Variants in GMDS observed in about 807,000 individuals in gnomAD.
GMDS encodes the protein GDP-mannose 4,6 dehydratase.
A neutral mutation model predicts 49.9 loss-of-function variants in GMDS; 20 were observed. The observed-to-expected ratio is 0.40, with a 90% CI of 0.28 to 0.58. GMDS has a LOEUF of 0.58. GMDS is among the 20% of genes least tolerant of loss of function. GMDS has a pLI of 0.42. For missense variants in GMDS, 362 were observed against 481.4 expected, an observed-to-expected ratio of 0.75 and a Z score of 2.32; for synonymous variants, 177 against 178.6, an observed-to-expected ratio of 0.99 and a Z score of 0.07.
At chr6:2,027,294 G>A (rs1294499142) in intron 4 of GMDS, among the ~76,000 whole-genome samples, 1 of 152,200 alleles carries the variant, frequency 6.6e-6, no homozygotes, top group Non-Finnish European at 1.5e-5. Flanking sequence ...CAGAACAAGT[G>A]AAGGTAATGG....
intron 4 of GMDS, among the ~76,000 whole-genome samples, chr6:1,985,831 G>A (rs983755574): frequency 4.6e-5 from 7 of 152,300 alleles, no homozygotes; most frequent in Middle Eastern, 3.4e-3. Context: ...TACTAAAACC[G>A]AGATCTTCAA....
chr6:1,771,503 T>C (rs573911107), intron 7 of GMDS, among the ~76,000 whole-genome samples: 2 of 152,204 alleles, frequency 1.3e-5, no homozygotes, highest in African/African-American at 2.4e-5. Flanking sequence ...GCCAAGCAAA[T>C]AGTAGTGAGT....
chr6:2,147,038 T>C (rs533866136), intron 1 of GMDS, among the ~76,000 whole-genome samples: 24 of 152,286 alleles, frequency 1.6e-4, no homozygotes, highest in African/African-American at 5.8e-4. Flanking sequence ...TGGTACACCA[T>C]TAACTGGCAC....
At chr6:1,740,757 C>G (rs1336000158) in intron 8 of GMDS, among the ~76,000 whole-genome samples, 1 of 151,886 alleles carries the variant, frequency 6.6e-6, no homozygotes, top group Non-Finnish European at 1.5e-5. Context: ...TCAACATAAC[C>G]AAATTACACT....
chr6:1,868,832 G>A (rs1018274162), intron 7 of GMDS, among the ~76,000 whole-genome samples: 4 of 152,024 alleles, frequency 2.6e-5, no homozygotes, highest in African/African-American at 9.7e-5. Context: ...ATCTTATAAG[G>A]CATTATTTGT....
At chr6:1,671,666 C>T (rs1368697458) in intron 9 of GMDS, among the ~76,000 whole-genome samples, 23 of 132,820 alleles carry the variant, frequency 1.7e-4, no homozygotes, top group African/African-American at 5.6e-4. Flanking sequence ...CTTTTAATTA[C>T]TTTTTTTTTT....
intron 4 of GMDS, among the ~76,000 whole-genome samples, chr6:2,019,029 T>C (rs530888123): frequency 6.6e-6 from 1 of 151,972 alleles, no homozygotes; most frequent in South Asian, 2.1e-4. Context: ...GCCACCCCAG[T>C]AGATGTGAAA....
At chr6:2,156,689 T>C (rs1181803396) in intron 1 of GMDS, among the ~76,000 whole-genome samples, 1 of 152,186 alleles carries the variant, frequency 6.6e-6, no homozygotes, top group Non-Finnish European at 1.5e-5. Flanking sequence ...GAACTGAGAT[T>C]ATGATTCAAA....
At chr6:2,012,121 G>A (rs754846897) in intron 4 of GMDS, among the ~76,000 whole-genome samples, 8 of 152,112 alleles carry the variant, frequency 5.3e-5, no homozygotes, top group Middle Eastern at 3.4e-3. Context: ...AAGGGCAGGA[G>A]GGGGGTGAGG....
At chr6:2,231,569 A>C (rs775714064) in intron 1 of GMDS, among the ~76,000 whole-genome samples, 2 of 152,318 alleles carry the variant, frequency 1.3e-5, no homozygotes, top group Non-Finnish European at 2.9e-5. Context: ...GTCTCCAAAA[A>C]AAAAGCCTAA....
chr6:2,175,709 C>T (rs1029394527), intron 1 of GMDS, among the ~76,000 whole-genome samples: 1 of 152,232 alleles, frequency 6.6e-6, no homozygotes, highest in African/African-American at 2.4e-5. Context: ...AAGGCAGATA[C>T]ACTGCCCCTC....
intron 4 of GMDS, among the ~76,000 whole-genome samples, chr6:2,090,948 T>G (rs1301582343): frequency 2.6e-5 from 4 of 152,218 alleles, no homozygotes; most frequent in Admixed American, 6.5e-5. Flanking sequence ...AAAAGCACAC[T>G]TTATGTACTG....
At chr6:2,146,706 G>A (rs1159194146) in intron 1 of GMDS, among the ~76,000 whole-genome samples, 2 of 152,156 alleles carry the variant, frequency 1.3e-5, no homozygotes, top group Non-Finnish European at 2.9e-5. Flanking sequence ...TGTCTTTATA[G>A]TAGGGATGTT....
intron 1 of GMDS, among the ~76,000 whole-genome samples, chr6:2,207,089 T>C (rs1366537522): frequency 3.3e-5 from 5 of 152,110 alleles, no homozygotes; most frequent in African/African-American, 1.2e-4. Context: ...TAAGTTAGAA[T>C]CCAACACACA....
chr6:1,981,357 C>G (rs1383094298), intron 4 of GMDS, among the ~76,000 whole-genome samples: 1 of 152,118 alleles, frequency 6.6e-6, no homozygotes, highest in Non-Finnish European at 1.5e-5. Flanking sequence ...GGGGATATCA[C>G]CACTGTTCCC....
intron 9 of GMDS, among the ~76,000 whole-genome samples, chr6:1,718,308 G>C (rs1171103072): frequency 6.6e-6 from 1 of 152,136 alleles, no homozygotes; most frequent in African/African-American, 2.4e-5. Flanking sequence ...AAGGCACCGG[G>C]AGTGTGACGG....
chr6:2,048,312 A>G (rs1226063953), intron 4 of GMDS, among the ~76,000 whole-genome samples: 1 of 152,218 alleles, frequency 6.6e-6, no homozygotes, highest in East Asian at 1.9e-4. Flanking sequence ...AATTTTTTCC[A>G]TATGGCCAGC....
chr6:1,764,529 C>T (rs756885750), intron 7 of GMDS, among the ~76,000 whole-genome samples: 11 of 152,092 alleles, frequency 7.2e-5, no homozygotes, highest in Non-Finnish European at 1.5e-4. Context: ...TTTAGGTATC[C>T]CATCAGATAA....
At chr6:2,102,813 A>C (rs1005903800) in intron 4 of GMDS, among the ~76,000 whole-genome samples, 3 of 151,776 alleles carry the variant, frequency 2.0e-5, no homozygotes, top group Non-Finnish European at 2.9e-5. Flanking sequence ...ATATATGATA[A>C]TGAAAGTTCA....
Sources: gnomAD v4.1 joint callset for allele counts (sites outside exome capture counted in the v4.1 genomes callset) on GRCh38, gnomAD v4.1.1 for gene constraint, MANE v1.5 for transcripts, NCBI Gene and HGNC (gene_info 2026-07-23, HGNC 2026-07-21) for gene names.